The following FOXN3 variants were observed in gnomAD, a reference collection of about 807,000 sequenced individuals.
FOXN3 encodes forkhead box N3.
FOXN3 carries 7 observed loss-of-function variants against 38.4 expected under a neutral mutation model. That is an observed-to-expected ratio of 0.18 (90% CI 0.10 to 0.34). The LOEUF (loss-of-function observed/expected upper bound fraction) is 0.34, where lower values mean the gene tolerates loss of function less well. FOXN3 is among the 10% of genes least tolerant of loss of function. The pLI, the probability that FOXN3 is intolerant of heterozygous loss-of-function variation, is 1.00. For missense variants in FOXN3, 456 were observed against 613.4 expected (o/e 0.74, Z 2.71); for synonymous variants, 230 against 242.2 (o/e 0.95, Z 0.47).
chr14:89,469,829 T>A (rs1438352643), intron 1 of FOXN3, among the ~76,000 whole-genome samples: 1 of 152,228 alleles, frequency 6.6e-6, no homozygotes, highest in Non-Finnish European at 1.5e-5. Flanking sequence ...CGCAGGATCG[T>A]TCCATGTACA....
At chr14:89,606,962 T>C (rs1364995375) in intron 1 of FOXN3, among the ~76,000 whole-genome samples, 1 of 152,130 alleles carries the variant, frequency 6.6e-6, no homozygotes, top group Non-Finnish European at 1.5e-5. Flanking sequence ...AGGCACTTCG[T>C]AAATGAAGAA....
At chr14:89,296,412 T>C (rs572739425) in intron 3 of FOXN3, among the ~76,000 whole-genome samples, 50 of 152,360 alleles carry the variant, frequency 3.3e-4, no homozygotes, top group African/African-American at 1.2e-3. Flanking sequence ...TGGGCCACTC[T>C]ATATAAATGG....
At chr14:89,416,439 T>C (rs749295107) in intron 1 of FOXN3, among the ~76,000 whole-genome samples, 2 of 151,440 alleles carry the variant, frequency 1.3e-5, no homozygotes, top group Non-Finnish European at 2.9e-5. Flanking sequence ...ATGAGGGGGG[T>C]CGGGCCTCGG....
chr14:89,433,213 G>A (rs926846466), intron 1 of FOXN3, among the ~76,000 whole-genome samples: 2 of 152,254 alleles, frequency 1.3e-5, no homozygotes, highest in Non-Finnish European at 2.9e-5. Context: ...GCTGGGCACG[G>A]TGGCTCACAC....
intron 1 of FOXN3, among the ~76,000 whole-genome samples, chr14:89,539,405 C>T (rs1443561568): frequency 6.6e-6 from 1 of 151,960 alleles, no homozygotes; most frequent in Non-Finnish European, 1.5e-5. Flanking sequence ...CAGAAAATAC[C>T]GGTCCAGTGA....
chr14:89,379,288 A>T (rs981106328), intron 2 of FOXN3, among the ~76,000 whole-genome samples: 1 of 152,124 alleles, frequency 6.6e-6, no homozygotes, highest in Non-Finnish European at 1.5e-5. Flanking sequence ...AGTTGTGCTG[A>T]GCCCTCCCCA....
chr14:89,449,521 A>G (rs1255187963), intron 1 of FOXN3, among the ~76,000 whole-genome samples: 1 of 152,242 alleles, frequency 6.6e-6, no homozygotes, highest in African/African-American at 2.4e-5. Flanking sequence ...CAGCAAGTCA[A>G]TCAGAGGACT....
chr14:89,406,556 A>G (rs1891394154), intron 2 of FOXN3, among the ~76,000 whole-genome samples: 1 of 152,198 alleles, frequency 6.6e-6, no homozygotes, highest in African/African-American at 2.4e-5. Context: ...CTCATCATCT[A>G]TTTTAAGAAA....
chr14:89,204,293 A>T (rs2139823085), intron 4 of FOXN3, among the ~76,000 whole-genome samples: 1 of 152,260 alleles, frequency 6.6e-6, no homozygotes, highest in South Asian at 2.1e-4. Context: ...TACACTCTTC[A>T]CGGGAAATGA....
At chr14:89,326,266 C>A (rs907657834) in intron 3 of FOXN3, among the ~76,000 whole-genome samples, 2 of 152,192 alleles carry the variant, frequency 1.3e-5, no homozygotes, top group Admixed American at 1.3e-4. Context: ...TCTATCTATA[C>A]CCAATTCCAA....
intron 4 of FOXN3, among the ~76,000 whole-genome samples, chr14:89,219,654 G>T (rs752925787): frequency 6.6e-6 from 1 of 152,126 alleles, no homozygotes. Context: ...TGACGTAACC[G>T]CTCTGTGCCT....
Position 89,235,880 on chromosome 14 carries a change from T to A in FOXN3, c.745+45070A>T, listed in dbSNP as rs550542317. Among the ~76,000 whole-genome samples, 72 of 135,946 alleles carry A rather than the reference T, an allele frequency of 5.3e-4. 1 individual carries two copies. The South Asian group carries it at 0.012, about 24-fold the overall frequency. 89.2% of individuals were successfully genotyped at this position (135,946 alleles called of 152,430 possible). On this transcript the variant is annotated intron_variant, in intron 4 of 5. Transcript: ENST00000557258. ...AGCCCCCCAAGACTGATTTTGGAGT[T>A]CTGATCTCCAGAACTGTAAGATTAT...
chr14:89,424,862 G>C (rs1281752256), intron 1 of FOXN3, among the ~76,000 whole-genome samples: 2 of 152,050 alleles, frequency 1.3e-5, no homozygotes, highest in Non-Finnish European at 2.9e-5. Flanking sequence ...GTGGTTACAA[G>C]TTATTTTTAT....
At position 89,164,413 on chromosome 14, in the gene FOXN3, T is replaced by C. The variant is rs1258567217; in HGVS notation, c.852-1444A>G. On this transcript the variant is annotated intron_variant, in intron 5 of 5. Transcript: ENST00000557258. The surrounding 1 kb of genome is among the most constrained non-coding windows in gnomAD (Gnocchi z 4.3). ...GCTCATCTACCTCGTGATCCATTTCTAAGAGTTCTGGGGAACATGACCATA... is the reference window on the plus strand; with the variant it reads ...GCTCATCTACCTCGTGATCCATTTCCAAGAGTTCTGGGGAACATGACCATA... Among the ~76,000 whole-genome samples, 1 of 152,192 alleles carries C rather than the reference T, an allele frequency of 6.6e-6. No individual in the cohort carries two copies. The highest frequency in any genetic ancestry group is 1.5e-5 in the Non-Finnish European group (1 of 68,030).
At chr14:89,580,101 T>C (rs1177323076) in intron 1 of FOXN3, among the ~76,000 whole-genome samples, 1 of 152,182 alleles carries the variant, frequency 6.6e-6, no homozygotes, top group Admixed American at 6.5e-5. Context: ...CCATAACCCA[T>C]ATTTCTAAAC....
chr14:89,415,884 C>CACACACACACACACACACACACACA (rs1566647933), intron 1 of FOXN3, among the ~76,000 whole-genome samples: 2 of 93,260 alleles, frequency 2.1e-5, no homozygotes, highest in African/African-American at 1.1e-4. Context: ...ACACACACAC[C>CACACACACACACACACACACACACA]CTCTTTTGTT....
At chr14:89,590,101 G>T (rs559202883) in intron 1 of FOXN3, among the ~76,000 whole-genome samples, 1 of 152,208 alleles carries the variant, frequency 6.6e-6, no homozygotes, top group African/African-American at 2.4e-5. Context: ...GTTACCATTT[G>T]AATCTACCCA....
intron 1 of FOXN3, among the ~76,000 whole-genome samples, chr14:89,597,808 G>A (rs1566713510): frequency 6.6e-6 from 1 of 152,062 alleles, no homozygotes; most frequent in Admixed American, 6.6e-5. Context: ...GGGCCCTTCT[G>A]TACGTTTATA....
chr14:89,371,200 C>T (rs1890309434), intron 2 of FOXN3, among the ~76,000 whole-genome samples: 1 of 152,134 alleles, frequency 6.6e-6, no homozygotes, highest in African/African-American at 2.4e-5. Flanking sequence ...ATCAGAAAGG[C>T]CAGCTCTGTC....
Sources: gnomAD v4.1 joint callset for allele counts (sites outside exome capture counted in the v4.1 genomes callset) on GRCh38, gnomAD v4.1.1 for gene constraint, Gnocchi (gnomAD v3.1) non-coding constraint, MANE v1.5 for transcripts, NCBI Gene and HGNC (gene_info 2026-07-23, HGNC 2026-07-21) for gene names.